KLHL8: variants seen among roughly 807,000 people sequenced by gnomAD.
KLHL8 encodes the protein kelch like family member 8, also known as kelch-like protein 8.
In KLHL8, 38 loss-of-function variants were observed where a neutral mutation model predicts 63.5. The ratio of observed to expected loss-of-function variants is 0.60; its 90% confidence interval spans 0.46 to 0.78. The LOEUF is 0.78. KLHL8 is among the 30% of genes least tolerant of loss of function. KLHL8 has a pLI of 0.00. For missense variants in KLHL8, 566 were observed against 752.4 expected, an observed-to-expected ratio of 0.75 and a Z score of 2.90; for synonymous variants, 224 against 254.3, an observed-to-expected ratio of 0.88 and a Z score of 1.13.
At chr4:87,207,472 A>C (rs1407860893) in intron 1 of KLHL8, 2 of 753,098 alleles carry the variant, frequency 2.7e-6, no homozygotes, top group Non-Finnish European at 4.8e-6. Flanking sequence ...TGACGCCCCC[A>C]TGTTAGTGAT....
chr4:87,233,367 C>A (rs1733171212), intron 1 of KLHL8, among the ~76,000 whole-genome samples: 1 of 152,102 alleles, frequency 6.6e-6, no homozygotes. Flanking sequence ...GCGGGTGGAT[C>A]ACTTGAGGTC....
chr4:87,234,553 T>G (rs1252010546), intron 1 of KLHL8, among the ~76,000 whole-genome samples: 4 of 152,238 alleles, frequency 2.6e-5, no homozygotes, highest in African/African-American at 9.6e-5. Context: ...ATTGTGATGT[T>G]GGTGTAAACA....
At chr4:87,199,970 G>T (rs949256167) in intron 1 of KLHL8, among the ~76,000 whole-genome samples, 1 of 151,434 alleles carries the variant, frequency 6.6e-6, no homozygotes, top group Non-Finnish European at 1.5e-5. Flanking sequence ...CACAGACCTT[G>T]TCTCTACAAA....
intron 2 of KLHL8, 55 bp from the exon 3 acceptor site, chr4:87,185,854 C>A: frequency 7.1e-7 from 1 of 1,400,946 alleles, no homozygotes; most frequent in South Asian, 1.5e-5. Context: ...AGCTTCAGGT[C>A]AGCATTTAAC....
intron 1 of KLHL8, among the ~76,000 whole-genome samples, chr4:87,206,128 T>C (rs1382871305): frequency 1.3e-5 from 2 of 152,198 alleles, no homozygotes; most frequent in African/African-American, 4.8e-5. Flanking sequence ...TCTCCTGGAT[T>C]CTACTTGGAA....
rs35717106 is a variant in KLHL8 at position 87,209,848 on chromosome 4, G to GTTT, written c.-152+10567_-152+10569dup. 3.0e-4 allele frequency among the ~76,000 whole-genome samples: 32 copies of GTTT among 105,396 alleles called. 1 individual carries two copies. Among genetic ancestry groups the GTTT allele is most frequent in the African/African-American group, 3.9e-4 (12 of 30,470 alleles). The allele number at this position is 105,396 out of a possible 152,430, so 69.1% of individuals were successfully genotyped here. On this transcript the variant is annotated intron_variant, in intron 1 of 9. Coordinates refer to ENST00000273963, the MANE Select transcript of KLHL8 (RefSeq NM_020803.5). ...AATGGCACTTGGTGTTCCGTTTTGG[G>GTTT]TTTTTTTTTTTTTTTTTTTTTTGAG...
chr4:87,205,836 T>TG (rs1732105623), intron 1 of KLHL8, among the ~76,000 whole-genome samples: 1 of 152,182 alleles, frequency 6.6e-6, no homozygotes, highest in Non-Finnish European at 1.5e-5. Context: ...CACAGCAAGA[T>TG]GGAGTGAAGC....
At chr4:87,188,297 T>G (rs2109999914) in intron 2 of KLHL8, among the ~76,000 whole-genome samples, 1 of 152,332 alleles carries the variant, frequency 6.6e-6, no homozygotes, top group Admixed American at 6.5e-5. Context: ...TGCAAATATT[T>G]GTAAGTCTCA....
chr4:87,200,716 T>G (rs1731888223), intron 1 of KLHL8, among the ~76,000 whole-genome samples: 1 of 152,144 alleles, frequency 6.6e-6, no homozygotes, highest in South Asian at 2.1e-4. Flanking sequence ...ATAGCTGCTA[T>G]GGAAACAGTA....
chr4:87,238,890 T>C (rs184685752), intron 1 of KLHL8, among the ~76,000 whole-genome samples: 6 of 152,324 alleles, frequency 3.9e-5, no homozygotes, highest in South Asian at 4.1e-4. Flanking sequence ...TCTGCCTATA[T>C]TTTATCATTA....
intron 1 of KLHL8, among the ~76,000 whole-genome samples, chr4:87,226,698 T>TATA (rs1491543207): frequency 9.2e-5 from 1 of 10,856 alleles, no homozygotes; most frequent in African/African-American, 6.4e-4. Flanking sequence ...ATATATATTA[T>TATA]TTATATATAA....
intron 1 of KLHL8, among the ~76,000 whole-genome samples, chr4:87,201,721 GA>G (rs1284119308): frequency 6.6e-6 from 1 of 152,196 alleles, no homozygotes; most frequent in East Asian, 1.9e-4. Flanking sequence ...AAGTAATAAA[GA>G]CAACAGAAAA....
At chr4:87,201,851 T>C (rs948205193) in intron 1 of KLHL8, among the ~76,000 whole-genome samples, 2 of 152,042 alleles carry the variant, frequency 1.3e-5, no homozygotes, top group African/African-American at 4.8e-5. Flanking sequence ...AATGAAAATA[T>C]AAAATACCAA....
intron 1 of KLHL8, among the ~76,000 whole-genome samples, chr4:87,233,856 T>C (rs184435226): frequency 2.0e-5 from 3 of 152,236 alleles, no homozygotes; most frequent in Admixed American, 2.0e-4. Context: ...TGATTTTCTA[T>C]TTTAAACAAT....
intron 2 of KLHL8, among the ~76,000 whole-genome samples, chr4:87,194,140 AATG>A: frequency 6.6e-6 from 1 of 152,330 alleles, no homozygotes; most frequent in Non-Finnish European, 1.5e-5. Flanking sequence ...ACCTTTGGGA[AATG>A]ATGAAATCAT....
At chr4:87,232,921 T>A (rs532528312) in intron 1 of KLHL8, among the ~76,000 whole-genome samples, 7 of 152,316 alleles carry the variant, frequency 4.6e-5, no homozygotes, top group African/African-American at 1.7e-4. Context: ...GTGTAATTTT[T>A]AAATATTCTG....
At chr4:87,181,785 C>A (rs1336708383) in intron 4 of KLHL8, among the ~76,000 whole-genome samples, 1 of 152,080 alleles carries the variant, frequency 6.6e-6, no homozygotes, top group Non-Finnish European at 1.5e-5. Flanking sequence ...TTCCTTCAGT[C>A]ATGTAGATCA....
chr4:87,195,310 A>G lies in KLHL8; in HGVS notation c.216+14T>C, dbSNP rs777006411. 6.2e-7 allele frequency: 1 copy of G among 1,606,470 alleles called. No homozygotes were observed. The highest frequency in any genetic ancestry group is 1.7e-5 in the Admixed American group (1 of 59,572). ...TGAAGAGGCCTGAGAAAAGTACAAA[A>G]AAGGCAATCTCACCTTGAGTGTGAC... On this transcript the variant is annotated intron_variant, in intron 2 of 9. Coordinates refer to ENST00000273963, the MANE Select transcript of KLHL8 (RefSeq NM_020803.5).
At chr4:87,226,228 A>G (rs1382883400) in intron 1 of KLHL8, among the ~76,000 whole-genome samples, 1 of 152,154 alleles carries the variant, frequency 6.6e-6, no homozygotes, top group Non-Finnish European at 1.5e-5. Context: ...TGTATTCCAA[A>G]TGTACGATGT....
Sources: gnomAD v4.1 joint callset for allele counts (sites outside exome capture counted in the v4.1 genomes callset) on GRCh38, gnomAD v4.1.1 for gene constraint, MANE v1.5 for transcripts, NCBI Gene and HGNC (gene_info 2026-07-23, HGNC 2026-07-21) for gene names.